PXDNL: variants seen among roughly 807,000 people sequenced by gnomAD.
The protein encoded by PXDNL is peroxidasin like.
A neutral mutation model predicts 150.8 loss-of-function variants in PXDNL; 145 were observed. That is an observed-to-expected ratio of 0.96 (90% CI 0.84 to 1.10). The LOEUF (loss-of-function observed/expected upper bound fraction) is 1.10. Ranked by LOEUF, PXDNL falls within the 50% of genes least tolerant of loss-of-function variation. The pLI is 0.00. For synonymous variants in PXDNL, 757 were observed against 725.7 expected (o/e 1.04, Z -0.69); for missense variants, 2,087 against 1,873.9 (o/e 1.11, Z -2.10).
At chr8:51,591,252 G>A (rs149139747) in intron 3 of PXDNL, among the ~76,000 whole-genome samples, 1 of 152,296 alleles carries the variant, frequency 6.6e-6, no homozygotes, top group East Asian at 1.9e-4. Context: ...CTAGTCTGTG[G>A]TATTCTGTTA....
intron 2 of PXDNL, among the ~76,000 whole-genome samples, chr8:51,594,280 T>C (rs1813515648): frequency 6.6e-6 from 1 of 152,130 alleles, no homozygotes; most frequent in African/African-American, 2.4e-5. Context: ...CTCAACCTCA[T>C]ATTAATCACA....
At chr8:51,517,774 T>C (rs1811576684) in intron 4 of PXDNL, among the ~76,000 whole-genome samples, 1 of 152,240 alleles carries the variant, frequency 6.6e-6, no homozygotes, top group South Asian at 2.1e-4. Context: ...TCTAGTACAT[T>C]GTAACTGTTG....
chr8:51,384,601 A>G (rs1490154262), intron 17 of PXDNL, among the ~76,000 whole-genome samples: 2 of 152,156 alleles, frequency 1.3e-5, no homozygotes, highest in South Asian at 2.1e-4. Flanking sequence ...ATAAAGCTCT[A>G]TGTTAACAAA....
chr8:51,716,360 A>G (rs956346698), intron 1 of PXDNL, among the ~76,000 whole-genome samples: 1 of 152,212 alleles, frequency 6.6e-6, no homozygotes, highest in African/African-American at 2.4e-5. Flanking sequence ...CATATATTCA[A>G]ATGCTGAAGT....
At chr8:51,620,580 G>T (rs1262447893) in intron 2 of PXDNL, among the ~76,000 whole-genome samples, 6 of 149,626 alleles carry the variant, frequency 4.0e-5, no homozygotes, top group African/African-American at 1.5e-4. Context: ...GTCTCGCTCT[G>T]TCACCCAGGC....
intron 1 of PXDNL, among the ~76,000 whole-genome samples, chr8:51,684,661 T>C (rs949700300): frequency 1.3e-5 from 2 of 152,216 alleles, no homozygotes; most frequent in African/African-American, 4.8e-5. Flanking sequence ...CTGACTTAAT[T>C]ACATGAGCTC....
At chr8:51,446,372 G>T (rs1198041745) in intron 12 of PXDNL, among the ~76,000 whole-genome samples, 11 of 152,184 alleles carry the variant, frequency 7.2e-5, no homozygotes, top group Non-Finnish European at 1.6e-4. Context: ...TTGTAATTAA[G>T]TTCCATCATT....
intron 2 of PXDNL, among the ~76,000 whole-genome samples, chr8:51,615,288 T>C (rs1390069011): frequency 6.6e-6 from 1 of 151,994 alleles, no homozygotes; most frequent in Non-Finnish European, 1.5e-5. Flanking sequence ...TCAGTCAACC[T>C]AAGAAGCTGA....
chr8:51,634,871 C>G (rs567805356), intron 2 of PXDNL, among the ~76,000 whole-genome samples: 2 of 151,986 alleles, frequency 1.3e-5, no homozygotes, highest in African/African-American at 4.8e-5. Flanking sequence ...TTCTGGGAGC[C>G]TTTTGGTGGA....
chr8:51,355,571 G>A (rs940260789), intron 19 of PXDNL, among the ~76,000 whole-genome samples: 7 of 152,056 alleles, frequency 4.6e-5, no homozygotes, highest in Non-Finnish European at 7.4e-5. Context: ...ACCTGCCTTA[G>A]GTGTAAGTTT....
At chr8:51,653,733 G>A (rs1368910911) in intron 2 of PXDNL, among the ~76,000 whole-genome samples, 2 of 152,176 alleles carry the variant, frequency 1.3e-5, no homozygotes, top group African/African-American at 4.8e-5. Flanking sequence ...CAACTCTAAA[G>A]TTAGAAGGGC....
At chr8:51,635,812 C>CA (rs903622650) in intron 2 of PXDNL, among the ~76,000 whole-genome samples, 1 of 151,732 alleles carries the variant, frequency 6.6e-6, no homozygotes, top group African/African-American at 2.4e-5. Context: ...CAAAATTTTC[C>CA]AAAAAAATAG....
intron 2 of PXDNL, among the ~76,000 whole-genome samples, chr8:51,598,385 A>G (rs926684547): frequency 2.0e-5 from 3 of 152,096 alleles, no homozygotes; most frequent in Non-Finnish European, 4.4e-5. Flanking sequence ...TAGATGGCTT[A>G]TTATTTTGAA....
chr8:51,664,156 G>A (rs1815333122), intron 1 of PXDNL, among the ~76,000 whole-genome samples: 1 of 152,028 alleles, frequency 6.6e-6, no homozygotes, highest in South Asian at 2.1e-4. Context: ...CAGCGTCATT[G>A]GGTCACATTC....
chr8:51,430,246 G>GA (rs1809218116), intron 12 of PXDNL, among the ~76,000 whole-genome samples: 1 of 152,160 alleles, frequency 6.6e-6, no homozygotes, highest in African/African-American at 2.4e-5. Flanking sequence ...TCTAGACTTG[G>GA]AAGGCGATCT....
intron 4 of PXDNL, among the ~76,000 whole-genome samples, chr8:51,524,480 A>C (rs748973503): frequency 6.6e-6 from 1 of 152,126 alleles, no homozygotes; most frequent in African/African-American, 2.4e-5. Context: ...CACTTCCTAA[A>C]TCTCTTTTTC....
At chr8:51,674,562 C>G (rs1477158818) in intron 1 of PXDNL, among the ~76,000 whole-genome samples, 1 of 152,188 alleles carries the variant, frequency 6.6e-6, no homozygotes, top group Admixed American at 6.5e-5. Flanking sequence ...AAGCAGCACA[C>G]TGAAATGGGT....
At chr8:51,400,766 T>C (rs1041426025) in intron 17 of PXDNL, among the ~76,000 whole-genome samples, 14 of 152,230 alleles carry the variant, frequency 9.2e-5, no homozygotes, top group Non-Finnish European at 1.9e-4. Context: ...TCAAATGTGT[T>C]GTTCTCTGTT....
chr8:51,583,169 A>G (rs1032576087), intron 3 of PXDNL, among the ~76,000 whole-genome samples: 1 of 152,166 alleles, frequency 6.6e-6, no homozygotes, highest in African/African-American at 2.4e-5. Flanking sequence ...CATCGCTTTA[A>G]AGGAATATCT....
Sources: allele counts gnomAD v4.1 joint callset (sites outside exome capture counted in the v4.1 genomes callset), GRCh38; gene constraint gnomAD v4.1.1; transcripts MANE v1.5; gene names NCBI Gene and HGNC (gene_info 2026-07-23, HGNC 2026-07-21).